Variants in PMFBP1 observed in about 807,000 individuals in gnomAD.
The protein encoded by PMFBP1 is polyamine-modulated factor 1-binding protein 1.
A neutral mutation model predicts 137.8 loss-of-function variants in PMFBP1; 131 were observed. That is an observed-to-expected ratio of 0.95 (90% CI 0.82 to 1.10). PMFBP1 has a LOEUF of 1.10. Among genes scored for constraint, PMFBP1 ranks in the 50% least tolerant of loss-of-function variants. The pLI is 0.00. For missense variants in PMFBP1, 1,199 were observed against 1,175.4 expected, an observed-to-expected ratio of 1.02 and a Z score of -0.29; for synonymous variants, 490 against 450.4, an observed-to-expected ratio of 1.09 and a Z score of -1.11.
intron 17 of PMFBP1, 48 bp from the exon 18 acceptor site, chr16:72,123,697 C>G (rs1325234251): frequency 6.6e-7 from 1 of 1,525,884 alleles, no homozygotes; most frequent in South Asian, 1.1e-5. Flanking sequence ...GAGCACAGGC[C>G]TGTCAGCCCT....
intron 17 of PMFBP1, 73 bp downstream of exon 17, chr16:72,124,694 C>G: frequency 6.5e-7 from 1 of 1,539,784 alleles, no homozygotes; most frequent in Non-Finnish European, 8.8e-7. Flanking sequence ...CAAGGGCTGT[C>G]TGGCATTTGG....
chr16:72,190,082 G>A, the PMFBP1 span, among the ~76,000 whole-genome samples: 1 of 152,112 alleles, frequency 6.6e-6, no homozygotes, highest in African/African-American at 2.4e-5. Context: ...GCAGCAATCG[G>A]GGAAGTCACA....
the PMFBP1 span, among the ~76,000 whole-genome samples, chr16:72,243,869 G>A: frequency 2.0e-5 from 3 of 152,224 alleles, no homozygotes; most frequent in African/African-American, 7.2e-5. Context: ...GTAACACAGG[G>A]ATAGATTCCT....
chr16:72,155,608 G>A (rs1012006100), intron 3 of PMFBP1, among the ~76,000 whole-genome samples: 7 of 152,186 alleles, frequency 4.6e-5, no homozygotes, highest in South Asian at 2.1e-4. Context: ...ATTGGCTCCC[G>A]AGGGGTTGAG....
the PMFBP1 span, among the ~76,000 whole-genome samples, chr16:72,225,788 T>C: frequency 1.3e-5 from 2 of 151,212 alleles, no homozygotes; most frequent in Admixed American, 1.3e-4. Flanking sequence ...TATTTCGACA[T>C]AATCCTTTTC....
At chr16:72,230,812 A>C in the PMFBP1 span, among the ~76,000 whole-genome samples, 2 of 151,868 alleles carry the variant, frequency 1.3e-5, no homozygotes, top group African/African-American at 4.8e-5. Flanking sequence ...TAACACAGTG[A>C]CCTCCCAACT....
the PMFBP1 span, among the ~76,000 whole-genome samples, chr16:72,237,871 C>A: frequency 1.3e-5 from 2 of 152,144 alleles, no homozygotes; most frequent in African/African-American, 2.4e-5. Context: ...TCATTTAGAT[C>A]CCACTTATAA....
intron 15 of PMFBP1, among the ~76,000 whole-genome samples, 155 bp downstream of exon 15, chr16:72,125,813 C>G (rs921698223): frequency 6.6e-6 from 1 of 152,190 alleles, no homozygotes; most frequent in Non-Finnish European, 1.5e-5. Flanking sequence ...AAAGAGGAAG[C>G]AGGCCTTCTC....
chr16:72,137,682 T>G (rs1333568547), intron 7 of PMFBP1, among the ~76,000 whole-genome samples: 2 of 151,980 alleles, frequency 1.3e-5, no homozygotes, highest in African/African-American at 4.8e-5. Context: ...ACCTGGGGCT[T>G]GGGGTCCTTC....
chr16:72,146,552 G>C (rs942015463), intron 5 of PMFBP1, among the ~76,000 whole-genome samples: 1 of 152,112 alleles, frequency 6.6e-6, no homozygotes, highest in African/African-American at 2.4e-5. Flanking sequence ...AGAAATAAAG[G>C]GTATACAATT....
the PMFBP1 span, among the ~76,000 whole-genome samples, chr16:72,194,610 T>C: frequency 2.0e-5 from 3 of 152,352 alleles, no homozygotes; most frequent in South Asian, 6.2e-4. Context: ...TCAGGTCATA[T>C]CATCTGGGCA....
chr16:72,118,119 T>G (rs943945051), downstream of PMFBP1, among the ~76,000 whole-genome samples: 1 of 152,268 alleles, frequency 6.6e-6, no homozygotes, highest in Non-Finnish European at 1.5e-5. Flanking sequence ...TGGTAAATTA[T>G]AGAGATAAAA....
At chr16:72,146,532 C>T (rs756576754) in intron 5 of PMFBP1, among the ~76,000 whole-genome samples, 3 of 151,902 alleles carry the variant, frequency 2.0e-5, no homozygotes, top group Admixed American at 6.6e-5. Flanking sequence ...AGGGCAATCA[C>T]GCAAGAGAAA....
rs550862432 is a variant in PMFBP1, at chr16:72,164,914, C to A, written c.15G>T (p.Ala5=). The part of the protein sequence containing the change: MKDE[A]GERDREVSSL... ...TGCTCACTTCTCTGTCTCTCTCCCC[C>A]GCCTAGGCAGCCAGAAAAACAAAAG... The change falls in exon 3 of 21, where the codon GCG becomes GCT. Residue 5 remains alanine, a splice_region_variant and synonymous_variant. Coordinates refer to ENST00000237353, the MANE Select transcript of PMFBP1 (RefSeq NM_031293.3). 1.3e-5 allele frequency: 21 copies of A among 1,580,428 alleles called. No homozygotes were observed. Among genetic ancestry groups the A allele is most frequent in the Admixed American group, 1.7e-5 (1 of 57,520 alleles).
At chr16:72,188,543 A>C in the PMFBP1 span, among the ~76,000 whole-genome samples, 1 of 152,236 alleles carries the variant, frequency 6.6e-6, no homozygotes, top group Non-Finnish European at 1.5e-5. Flanking sequence ...TGGATTTTTC[A>C]TGCTTTACAT....
the PMFBP1 span, among the ~76,000 whole-genome samples, chr16:72,226,190 T>A: frequency 6.6e-6 from 1 of 152,208 alleles, no homozygotes; most frequent in Non-Finnish European, 1.5e-5. Context: ...GTGAGCAGTG[T>A]CTGAGTATTC....
chr16:72,128,989 G>T, intron 13 of PMFBP1, 77 bp downstream of exon 13: 1 of 1,539,344 alleles, frequency 6.5e-7, no homozygotes, highest in Non-Finnish European at 8.8e-7. Flanking sequence ...CAGGGCCTCC[G>T]CATCCCTGGA....
Position 72,124,748 on chromosome 16 carries a change from G to C in PMFBP1, c.2589+19C>G. ...TGGAGGCACTGAGAGGAGGCACGCA[G>C]AAGCCAAGGCATGCCCACCTCCTTA... is the stretch of plus-strand genomic sequence containing the variant. On this transcript the variant is annotated intron_variant, in intron 17 of 20. Transcript: ENST00000237353. 6.2e-7 allele frequency: 1 copy of C among 1,609,258 alleles called. No homozygotes were observed.
chr16:72,124,662 T>C, intron 17 of PMFBP1, 105 bp downstream of exon 17: 2 of 1,385,166 alleles, frequency 1.4e-6, no homozygotes, highest in Non-Finnish European at 9.9e-7. Flanking sequence ...TTTCCTTTGC[T>C]CCCAGGCTCT....
Sources: allele counts gnomAD v4.1 joint callset (sites outside exome capture counted in the v4.1 genomes callset), GRCh38; gene constraint gnomAD v4.1.1; transcripts MANE v1.5; gene names NCBI Gene and HGNC (gene_info 2026-07-23, HGNC 2026-07-21).